The following RBM6 variants were observed in gnomAD, a reference collection of about 807,000 sequenced individuals.
RBM6 encodes RNA-binding protein 6.
Under a neutral mutation model 140.4 loss-of-function variants are expected in RBM6, and 23 were observed. That is an observed-to-expected ratio of 0.16 (90% confidence interval 0.12 to 0.23). RBM6 has a LOEUF of 0.23. Ranked by LOEUF, RBM6 falls within the 10% of genes least tolerant of loss-of-function variation. The pLI is 1.00. For synonymous variants in RBM6, 439 were observed against 475.6 expected, an observed-to-expected ratio of 0.92 and a Z score of 1.00; for missense variants, 1,139 against 1,386.7, an observed-to-expected ratio of 0.82 and a Z score of 2.84.
At chr3:50,015,149 C>T (rs868443148) in intron 6 of RBM6, among the ~76,000 whole-genome samples, 1 of 150,640 alleles carries the variant, frequency 6.6e-6, no homozygotes, top group South Asian at 2.1e-4. Context: ...CTCTGTCACC[C>T]AAGCTGGAGT....
rs2084333944 is a variant in RBM6, at chr3:49,962,628, C to CT, written c.-12dup. On this transcript the variant is annotated 5_prime_UTR_variant, in exon 2 of 21. Transcript: ENST00000266022. ...AAAAGGATTTACTTGTTGGGGCCCT[C>CT]TTGATAAAAAGAGATGTGGGGGGAT... is the stretch of plus-strand genomic sequence containing the variant. 1.9e-6 allele frequency: 3 copies of CT among 1,589,802 alleles called. No homozygotes were observed. The African/African-American group carries it at 4.1e-5, about 22-fold the overall frequency.
intron 14 of RBM6, 118 bp downstream of exon 14, chr3:50,061,665 C>T: frequency 6.8e-7 from 1 of 1,480,670 alleles, no homozygotes; most frequent in Non-Finnish European, 8.9e-7. Flanking sequence ...TCTGGATGCT[C>T]ATTGCATGAA....
chr3:50,076,619 C>T (rs2090468563), intron 20 of RBM6, among the ~76,000 whole-genome samples: 1 of 151,432 alleles, frequency 6.6e-6, no homozygotes, highest in African/African-American at 2.4e-5. Context: ...GGTGTGGTGG[C>T]TCACATCTGT....
intron 2 of RBM6, among the ~76,000 whole-genome samples, chr3:49,963,627 A>G (rs2084380366): frequency 6.6e-6 from 1 of 152,206 alleles, no homozygotes; most frequent in South Asian, 2.1e-4. Context: ...GTTACTTGGT[A>G]CCAAGAAGAG....
rs183873299 is a variant in RBM6 at position 49,989,118 on chromosome 3, G to T, written c.1484-10322G>T. Among the ~76,000 whole-genome samples the T allele has an allele frequency of 2.5e-3, 375 of 152,144 alleles. 1 individual carries two copies. The highest frequency in any genetic ancestry group is 4.0e-3 in the Non-Finnish European group (272 of 68,004). The stretch of plus-strand genomic sequence containing the variant: ...TCATCACATAGCAAAATCTTCATTA[G>T]ATTTTCCCTAATGACTTATCAACTG... On this transcript the variant is annotated intron_variant, in intron 5 of 20. Coordinates refer to ENST00000266022, the MANE Select transcript of RBM6 (RefSeq NM_005777.3).
intron 6 of RBM6, 143 bp from the exon 7 acceptor site, chr3:50,048,102 C>G: frequency 2.1e-6 from 3 of 1,443,734 alleles, no homozygotes; most frequent in Non-Finnish European, 2.7e-6. Context: ...TGGCTTAAAA[C>G]AGCCATTTCC....
chr3:50,020,007 T>C (rs1191936238), intron 6 of RBM6, among the ~76,000 whole-genome samples: 1 of 151,864 alleles, frequency 6.6e-6, no homozygotes, highest in Non-Finnish European at 1.5e-5. Context: ...TAACCTCAAG[T>C]TCCTCAGCTC....
intron 1 of RBM6, among the ~76,000 whole-genome samples, chr3:49,960,021 C>A (rs2084212141): frequency 1.3e-5 from 2 of 152,164 alleles, no homozygotes; most frequent in African/African-American, 4.8e-5. Context: ...GCCCCAAGTG[C>A]CTGTTAGTCT....
intron 6 of RBM6, among the ~76,000 whole-genome samples, chr3:50,003,250 A>G (rs2086423492): frequency 6.6e-6 from 1 of 150,696 alleles, no homozygotes; most frequent in Non-Finnish European, 1.5e-5. Context: ...CTGGAGGATC[A>G]CTTGAGCCCA....
intron 6 of RBM6, among the ~76,000 whole-genome samples, chr3:50,019,730 T>G (rs942437735): frequency 1.3e-5 from 2 of 152,114 alleles, no homozygotes; most frequent in Admixed American, 1.3e-4. Context: ...TCTCTCACCA[T>G]AAGTGTGATG....
At chr3:49,945,747 C>T (rs992005915) in intron 1 of RBM6, among the ~76,000 whole-genome samples, 2 of 151,416 alleles carry the variant, frequency 1.3e-5, no homozygotes, top group Admixed American at 6.6e-5. Flanking sequence ...CCGGGCGTGG[C>T]GGCATGCACC....
At chr3:50,021,849 G>T (rs1369950300) in intron 6 of RBM6, among the ~76,000 whole-genome samples, 1 of 134,240 alleles carries the variant, frequency 7.4e-6, no homozygotes, top group Admixed American at 9.0e-5. Context: ...CTACCTCCTG[G>T]GTTCAGGAAA....
chr3:49,972,660 T>C (rs1299146774), intron 4 of RBM6, among the ~76,000 whole-genome samples: 1 of 152,132 alleles, frequency 6.6e-6, no homozygotes, highest in Non-Finnish European at 1.5e-5. Flanking sequence ...ATATAATCAC[T>C]CTAAATATTA....
intron 2 of RBM6, among the ~76,000 whole-genome samples, chr3:49,965,814 TGTTAA>T (rs2084488832): frequency 6.6e-6 from 1 of 151,986 alleles, no homozygotes; most frequent in East Asian, 1.9e-4. Context: ...AGGTTAATGC[TGTTAA>T]ATTCCTGTTA....
chr3:49,997,419 T>C (rs961546305), intron 5 of RBM6, among the ~76,000 whole-genome samples: 1 of 152,248 alleles, frequency 6.6e-6, no homozygotes, highest in Non-Finnish European at 1.5e-5. Flanking sequence ...TTGTCATGAA[T>C]CTTTTCTCTC....
chr3:49,984,670 C>T (rs1337805291), intron 5 of RBM6, among the ~76,000 whole-genome samples: 7 of 150,574 alleles, frequency 4.6e-5, no homozygotes, highest in Admixed American at 3.3e-4. Flanking sequence ...CGCATTGCAT[C>T]ACATCACATC....
At chr3:50,025,008 A>C (rs956273177) in intron 6 of RBM6, among the ~76,000 whole-genome samples, 14 of 151,686 alleles carry the variant, frequency 9.2e-5, no homozygotes, top group East Asian at 1.9e-4. Context: ...AAAAAACAAA[A>C]AACAAGAAAA....
chr3:49,988,019 AAT>A (rs1171747745), intron 5 of RBM6, among the ~76,000 whole-genome samples: 1 of 152,216 alleles, frequency 6.6e-6, no homozygotes, highest in Non-Finnish European at 1.5e-5. Context: ...GCCATCTCAA[AAT>A]ATACTTTGGT....
intron 1 of RBM6, among the ~76,000 whole-genome samples, chr3:49,944,298 T>G (rs2083399737): frequency 6.6e-6 from 1 of 152,156 alleles, no homozygotes; most frequent in South Asian, 2.1e-4. Context: ...TCTTCAGGAT[T>G]CATCCATCTT....
Sources: allele counts gnomAD v4.1 joint callset (sites outside exome capture counted in the v4.1 genomes callset), GRCh38; gene constraint gnomAD v4.1.1; transcripts MANE v1.5; gene names NCBI Gene and HGNC (gene_info 2026-07-23, HGNC 2026-07-21).